Variants in SLC13A4 observed in about 807,000 individuals in gnomAD.
The protein encoded by SLC13A4 is Na(+)/sulfate cotransporter SUT-1.
Under a neutral mutation model 72.7 loss-of-function variants are expected in SLC13A4, and 28 were observed. The observed-to-expected ratio is 0.39, with a 90% CI of 0.29 to 0.53. The LOEUF is 0.53. SLC13A4 is among the 20% of genes least tolerant of loss of function. The pLI is 0.78. For missense variants in SLC13A4, 653 were observed against 788.0 expected (o/e 0.83, Z 2.05); for synonymous variants, 312 against 325.5 (o/e 0.96, Z 0.45).
rs748586048 is a variant in SLC13A4 at position 135,702,875 on chromosome 7, G to A, written c.603C>T (p.Asn201=). The A allele has an allele frequency of 6.2e-7, 1 of 1,613,548 alleles. No individual in the cohort carries two copies. Among genetic ancestry groups the A allele is most frequent in the Admixed American group, 1.7e-5 (1 of 60,024 alleles). Residue 201 remains asparagine, a synonymous_variant, in exon 6 of 16, where the codon AAC becomes AAT. Transcript: ENST00000682651. ...TGTGCATCAGAGTGGTGAGGTCTGC[G>A]TTGGACCTGCTGGAACCAAGCAGAG... The part of the protein sequence containing the change: ...ELIFVNEDRS[N]ADLTTLMHNE...
At chr7:135,701,518 C>T (rs981067524) in intron 7 of SLC13A4, among the ~76,000 whole-genome samples, 162 bp downstream of exon 7, 2 of 152,170 alleles carry the variant, frequency 1.3e-5, no homozygotes, top group African/African-American at 4.8e-5. Context: ...AGCTTGATGT[C>T]TCACCTCCAT....
intron 1 of SLC13A4, among the ~76,000 whole-genome samples, chr7:135,723,911 GA>G (rs917792073): frequency 1.3e-5 from 2 of 150,598 alleles, no homozygotes; most frequent in South Asian, 2.1e-4. Flanking sequence ...ACCAATGGTG[GA>G]AAAAAAAAGA....
At chr7:135,687,365 CAT>C (rs1032727291) in intron 13 of SLC13A4, among the ~76,000 whole-genome samples, 41 of 152,090 alleles carry the variant, frequency 2.7e-4, no homozygotes, top group African/African-American at 8.0e-4. Context: ...TCCTGCTACA[CAT>C]GTTTTACTAT....
chr7:135,704,192 G>C (rs1367127563), intron 5 of SLC13A4: 2 of 152,388 alleles, frequency 1.3e-5, no homozygotes, highest in African/African-American at 4.8e-5. Flanking sequence ...GGCAGAGGCA[G>C]CCCCAATACA....
intron 1 of SLC13A4, among the ~76,000 whole-genome samples, chr7:135,725,971 C>CA (rs1036387406): frequency 6.6e-6 from 1 of 151,606 alleles, no homozygotes; most frequent in Non-Finnish European, 1.5e-5. Context: ...TCTGCGTCTA[C>CA]AAAAAAAAGT....
At position 135,713,739 on chromosome 7, in the gene SLC13A4, G is replaced by A. The variant is rs150228076; in HGVS notation, c.229-5489C>T. Among the ~76,000 whole-genome samples the A allele has an allele frequency of 6.7e-4, 102 of 152,190 alleles. 1 individual carries two copies. In the East Asian group the frequency reaches 0.012, roughly 18 times the overall value. ...ACTACAGGCACCCACCATTGTGTCC[G>A]GCTAATTTTGTATTTTCAGTAGAGA... On this transcript the variant is annotated intron_variant, in intron 2 of 15. Coordinates refer to ENST00000682651, the MANE Select transcript of SLC13A4 (RefSeq NM_001318192.2).
At chr7:135,692,238 A>G (rs1795804286) in intron 11 of SLC13A4, 85 bp downstream of exon 11, 1 of 938,400 alleles carries the variant, frequency 1.1e-6, no homozygotes. Flanking sequence ...TCCTGGCTTC[A>G]TATCTGCCCC....
chr7:135,726,358 C>G (rs1028055946), intron 1 of SLC13A4, among the ~76,000 whole-genome samples: 1 of 152,136 alleles, frequency 6.6e-6, no homozygotes, highest in South Asian at 2.1e-4. Context: ...AAGATTTAAG[C>G]CAGTTTGTTT....
intron 2 of SLC13A4, among the ~76,000 whole-genome samples, chr7:135,720,903 G>A (rs1796533137): frequency 6.6e-6 from 1 of 152,166 alleles, no homozygotes; most frequent in African/African-American, 2.4e-5. Flanking sequence ...TTGTTTTTTG[G>A]AGGCGTGGAT....
chr7:135,685,029 C>T (rs577286776), intron 14 of SLC13A4, among the ~76,000 whole-genome samples: 20 of 152,286 alleles, frequency 1.3e-4, no homozygotes, highest in Non-Finnish European at 2.8e-4. Flanking sequence ...GCTGACCTTG[C>T]TCCCAATCCT....
At chr7:135,700,723 C>T (rs1796014344) in intron 7 of SLC13A4, among the ~76,000 whole-genome samples, 2 of 152,164 alleles carry the variant, frequency 1.3e-5, no homozygotes, top group Admixed American at 6.5e-5. Flanking sequence ...TAGCTCACTG[C>T]AGCCCTGACC....
chr7:135,714,932 C>T (rs1055825250), intron 2 of SLC13A4, among the ~76,000 whole-genome samples: 3 of 152,256 alleles, frequency 2.0e-5, no homozygotes, highest in Admixed American at 1.3e-4. Context: ...GGCCAGAGAC[C>T]GCTGGCTGGG....
chr7:135,702,919 G>A (rs952758508), intron 5 of SLC13A4, 35 bp from the exon 6 acceptor site: 8 of 1,562,126 alleles, frequency 5.1e-6, no homozygotes, highest in Admixed American at 3.3e-5. Flanking sequence ...AGCCACGTCA[G>A]TGAGGCCGAC....
chr7:135,723,829 A>C (rs1796596668), intron 1 of SLC13A4, among the ~76,000 whole-genome samples: 1 of 152,172 alleles, frequency 6.6e-6, no homozygotes, highest in African/African-American at 2.4e-5. Flanking sequence ...GTAGCTCCCC[A>C]CTGAGATGTT....
At chr7:135,703,079 C>T (rs1796078205) in intron 5 of SLC13A4, 195 bp from the exon 6 acceptor site, 1 of 584,150 alleles carries the variant, frequency 1.7e-6, no homozygotes, top group Admixed American at 3.1e-5. Context: ...GGGCCAGGGG[C>T]CTGCTTCCTT....
rs376995724 is a variant in SLC13A4, at chr7:135,718,384, A to G, written c.228+3011T>C. Among the ~76,000 whole-genome samples the G allele has an allele frequency of 2.1e-3, 313 of 152,294 alleles. 1 individual carries two copies. Among genetic ancestry groups the G allele is most frequent in the African/African-American group, 7.4e-3 (307 of 41,560 alleles). On this transcript the variant is annotated intron_variant, in intron 2 of 15. Coordinates refer to ENST00000682651, the MANE Select transcript of SLC13A4 (RefSeq NM_001318192.2). ...TCACGTGCCTTCCTTCCCTCACTGAAGATGACATTACTGACACATTGTCAA... is the reference window on the plus strand; with the variant it reads ...TCACGTGCCTTCCTTCCCTCACTGAGGATGACATTACTGACACATTGTCAA...
chr7:135,718,115 G>C lies in SLC13A4; in HGVS notation c.228+3280C>G, dbSNP rs529453120. Among the ~76,000 whole-genome samples the C allele has an allele frequency of 1.8e-3, 253 of 141,898 alleles. 1 individual carries two copies. The highest frequency in any genetic ancestry group is 2.6e-3 in the Non-Finnish European group (166 of 63,288). The allele number at this position is 141,898 out of a possible 152,430, so 93.1% of individuals were successfully genotyped here. Reference sequence around the variant, plus strand: ...CGCGCGCGCGCACGCGTGCGCGCTAGTCTCCTCTTCGTTCTGTTTCTCTGG... The same window carrying C: ...CGCGCGCGCGCACGCGTGCGCGCTACTCTCCTCTTCGTTCTGTTTCTCTGG... On this transcript the variant is annotated intron_variant, in intron 2 of 15. Coordinates refer to ENST00000682651, the MANE Select transcript of SLC13A4 (RefSeq NM_001318192.2).
At chr7:135,698,830 T>C (rs1328089314) in intron 8 of SLC13A4, among the ~76,000 whole-genome samples, 2 of 151,952 alleles carry the variant, frequency 1.3e-5, no homozygotes, top group Non-Finnish European at 2.9e-5. Flanking sequence ...AGACGGAGTT[T>C]CACCATGTTG....
At position 135,708,163 on chromosome 7, in the gene SLC13A4, T is replaced by A; in HGVS notation, c.316A>T (p.Lys106Ter). ...AAGACCATGCGCAGAGCAATGCGCT[T>A]ATGCAGGTTCCACTTCTCCACGGCA... The part of the protein sequence containing the change: ...AAAVEKWNLH[K>*]RIALRMVLMA... Residue 106 changes from lysine (K) to a stop codon, truncating the protein, a stop_gained, in exon 3 of 16, where the codon AAG becomes TAG. Transcript: ENST00000682651. LOFTEE classifies it high-confidence loss of function. 1 of 1,614,200 alleles carries A rather than the reference T, an allele frequency of 6.2e-7. No homozygotes were observed. The highest frequency in any genetic ancestry group is 8.5e-7 in the Non-Finnish European group (1 of 1,180,040).
Sources: gnomAD v4.1 joint callset for allele counts (sites outside exome capture counted in the v4.1 genomes callset) on GRCh38, gnomAD v4.1.1 for gene constraint, MANE v1.5 for transcripts, NCBI Gene and HGNC (gene_info 2026-07-23, HGNC 2026-07-21) for gene names.